Variants in SH3BGRL2 observed in about 807,000 individuals in gnomAD.
SH3BGRL2 encodes SH3 domain binding glutamate rich protein like 2.
In SH3BGRL2, 21 loss-of-function variants were observed where a neutral mutation model predicts 14.8. The ratio of observed to expected loss-of-function variants is 1.42; its 90% CI spans 1.01 to 2.05. The LOEUF is 2.05. Among genes scored for constraint, SH3BGRL2 ranks in the 30% most tolerant of loss-of-function variants. SH3BGRL2 has a pLI of 0.00. For synonymous variants in SH3BGRL2, 50 were observed against 47.8 expected (o/e 1.05, Z -0.19); for missense variants, 147 against 130.8 (o/e 1.12, Z -0.61).
chr6:79,580,730 G>A, the SH3BGRL2 span, among the ~76,000 whole-genome samples: 2 of 152,068 alleles, frequency 1.3e-5, no homozygotes, highest in African/African-American at 2.4e-5. Context: ...ACAATTAAAA[G>A]AACTAAAGAA....
chr6:79,572,723 CA>C, the SH3BGRL2 span, among the ~76,000 whole-genome samples: 5 of 152,136 alleles, frequency 3.3e-5, no homozygotes, highest in African/African-American at 4.8e-5. Context: ...CCTTGGCCTC[CA>C]AAAGTGCTGG....
intron 2 of SH3BGRL2, among the ~76,000 whole-genome samples, chr6:79,685,418 T>C (rs545280441): frequency 6.6e-6 from 1 of 152,316 alleles, no homozygotes; most frequent in East Asian, 1.9e-4. Context: ...TTTCTGCAGC[T>C]TCCCTCATTT....
chr6:79,634,709 G>A (rs1401265820), intron 1 of SH3BGRL2, among the ~76,000 whole-genome samples: 9 of 152,142 alleles, frequency 5.9e-5, no homozygotes, highest in South Asian at 2.1e-4. Flanking sequence ...GAATTCACAG[G>A]TAGGAGATGA....
chr6:79,674,427 G>A (rs1287832507), intron 2 of SH3BGRL2, among the ~76,000 whole-genome samples: 2 of 151,978 alleles, frequency 1.3e-5, no homozygotes, highest in African/African-American at 4.8e-5. Flanking sequence ...TTACCTACTT[G>A]CGTACTCCTT....
In SH3BGRL2 at chr6:79,673,659, A is replaced by G. The variant is rs1162865678; in HGVS notation, c.91A>G (p.Lys31Glu). Residue 31 changes from lysine (K) to glutamate (E), a missense_variant, in exon 2 of 4, where the codon AAG (lysine) becomes GAG (glutamate). By Grantham distance (56) the Lys-to-Glu change is moderately conservative (BLOSUM62 1). Transcript: ENST00000369838. ...TGTGGTTAGATTTCTGGAAGCCAAC[A>G]AGATAGAGTTTGAGGAGGTGGATAT... ...QDVVRFLEAN[K>E]IEFEEVDITM... 1.2e-6 allele frequency: 2 copies of G among 1,614,080 alleles called. No homozygotes were observed. Among genetic ancestry groups the G allele is most frequent in the African/African-American group, 1.3e-5 (1 of 74,930 alleles).
At chr6:79,551,572 A>G in the SH3BGRL2 span, among the ~76,000 whole-genome samples, 3 of 152,200 alleles carry the variant, frequency 2.0e-5, no homozygotes, top group Non-Finnish European at 4.4e-5. Context: ...GCCTCCAGCC[A>G]AGACCAGAAA....
intron 2 of SH3BGRL2, among the ~76,000 whole-genome samples, chr6:79,695,574 T>G (rs977107091): frequency 1.3e-5 from 2 of 152,154 alleles, no homozygotes; most frequent in African/African-American, 4.8e-5. Flanking sequence ...TCAAGGTCAG[T>G]GAAACATGAG....
chr6:79,690,491 C>A (rs1376753344), intron 2 of SH3BGRL2, among the ~76,000 whole-genome samples: 1 of 152,110 alleles, frequency 6.6e-6, no homozygotes, highest in Non-Finnish European at 1.5e-5. Flanking sequence ...GGCTTTACAC[C>A]TGGGCACAGC....
chr6:79,587,188 A>G, the SH3BGRL2 span, among the ~76,000 whole-genome samples: 5 of 152,240 alleles, frequency 3.3e-5, no homozygotes, highest in Non-Finnish European at 7.3e-5. Flanking sequence ...AAATTATAAA[A>G]TCAGAACTTT....
intron 1 of SH3BGRL2, among the ~76,000 whole-genome samples, chr6:79,668,980 C>T (rs1453816489): frequency 6.6e-6 from 1 of 152,114 alleles, no homozygotes; most frequent in African/African-American, 2.4e-5. Flanking sequence ...GTCATTTGAT[C>T]CACTTTCCTG....
the SH3BGRL2 span, among the ~76,000 whole-genome samples, chr6:79,593,563 G>T: frequency 6.6e-6 from 1 of 152,196 alleles, no homozygotes; most frequent in South Asian, 2.1e-4. Context: ...GTGAATGGAT[G>T]AGTAAGCAGT....
chr6:79,568,643 G>C, the SH3BGRL2 span, among the ~76,000 whole-genome samples: 2 of 152,168 alleles, frequency 1.3e-5, no homozygotes, highest in Non-Finnish European at 2.9e-5. Flanking sequence ...ATGGGAGTAA[G>C]TTGAGAGGAG....
chr6:79,692,335 T>C (rs1438560410), intron 2 of SH3BGRL2, among the ~76,000 whole-genome samples: 1 of 152,226 alleles, frequency 6.6e-6, no homozygotes, highest in Non-Finnish European at 1.5e-5. Flanking sequence ...TAGTTTCTTT[T>C]GCTGTGCAGA....
intron 2 of SH3BGRL2, among the ~76,000 whole-genome samples, chr6:79,691,754 A>G (rs1170534474): frequency 5.4e-5 from 8 of 147,954 alleles, no homozygotes; most frequent in African/African-American, 1.5e-4. Flanking sequence ...CTAGTCTATC[A>G]TTGTTGGACA....
intron 1 of SH3BGRL2, among the ~76,000 whole-genome samples, chr6:79,661,842 T>C (rs1185403540): frequency 1.3e-5 from 2 of 152,232 alleles, no homozygotes; most frequent in African/African-American, 4.8e-5. Flanking sequence ...ATATTTAGGA[T>C]AGTTAGCTCC....
intron 3 of SH3BGRL2, among the ~76,000 whole-genome samples, chr6:79,698,648 T>A (rs1770380488): frequency 6.6e-6 from 1 of 151,994 alleles, no homozygotes; most frequent in Admixed American, 6.6e-5. Flanking sequence ...GGTCTCTAGA[T>A]GGTGGCCTGC....
At chr6:79,674,270 G>A (rs1471463208) in intron 2 of SH3BGRL2, among the ~76,000 whole-genome samples, 3 of 152,000 alleles carry the variant, frequency 2.0e-5, no homozygotes, top group African/African-American at 7.3e-5. Context: ...ACTGCTAATA[G>A]CTAATCGTAA....
the SH3BGRL2 span, among the ~76,000 whole-genome samples, chr6:79,623,700 A>G: frequency 6.6e-6 from 1 of 152,218 alleles, no homozygotes; most frequent in Non-Finnish European, 1.5e-5. Flanking sequence ...AATTTGAGAA[A>G]TTTAAAGGTG....
chr6:79,593,210 TA>T, the SH3BGRL2 span, among the ~76,000 whole-genome samples: 1 of 152,208 alleles, frequency 6.6e-6, no homozygotes, highest in African/African-American at 2.4e-5. Flanking sequence ...TGGGGTGGAC[TA>T]CAGACAATAC....
Sources: allele counts gnomAD v4.1 joint callset (sites outside exome capture counted in the v4.1 genomes callset), GRCh38; gene constraint gnomAD v4.1.1; transcripts MANE v1.5; gene names NCBI Gene and HGNC (gene_info 2026-07-23, HGNC 2026-07-21).